Variants in NCAM1 observed in about 807,000 individuals in gnomAD.
NCAM1 encodes the protein neural cell adhesion molecule 1, also known as antigen recognized by monoclonal antibody 5.1H11.
Under a neutral mutation model 109.8 loss-of-function variants are expected in NCAM1, and 14 were observed. The observed-to-expected ratio is 0.13, with a 90% CI of 0.08 to 0.20. The LOEUF is 0.20. NCAM1 is among the 10% of genes least tolerant of loss of function. The pLI is 1.00. For missense variants in NCAM1, 774 were observed against 1,109.9 expected, an observed-to-expected ratio of 0.70 and a Z score of 4.30; for synonymous variants, 418 against 442.9, an observed-to-expected ratio of 0.94 and a Z score of 0.70.
At position 112,963,612 on chromosome 11, in the gene NCAM1, G is replaced by T. The variant is rs191106404; in HGVS notation, c.52+1948G>T. Among the ~76,000 whole-genome samples the T allele has an allele frequency of 8.5e-4, 129 of 152,294 alleles. No individual in the cohort carries two copies. The highest frequency in any genetic ancestry group is 3.4e-3 in the Middle Eastern group (1 of 294). ...GGCCACCCCGGTTATGCCCCTTTCC[G>T]CGGTGCCCGTGGGTGCCGCGACGCG... On this transcript the variant is annotated intron_variant, in intron 1 of 19. Coordinates refer to ENST00000316851, the MANE Select transcript of NCAM1 (RefSeq NM_181351.5). The surrounding 1 kb of genome is among the most constrained non-coding windows in gnomAD (Gnocchi z 4.6).
chr11:113,255,962 C>T lies in NCAM1; in HGVS notation c.1914C>T (p.Gly638=), dbSNP rs370796324. The T allele has an allele frequency of 1.7e-5, 27 of 1,605,732 alleles. No homozygotes were observed. Among genetic ancestry groups the T allele is most frequent in the Non-Finnish European group, 2.2e-5 (26 of 1,176,304 alleles). The change falls in exon 16 of 20, where the codon GGC becomes GGT. Residue 638 remains glycine (G), a synonymous_variant. Transcript: ENST00000316851. The stretch of plus-strand genomic sequence containing the variant: ...TGAACCTGATCAAGCAGGATGACGG[C>T]GGCTCCCCCATCAGACACTATCTGG... The part of the protein sequence containing the change: ...IKVNLIKQDD[G]GSPIRHYLVR...
intron 7 of NCAM1, among the ~76,000 whole-genome samples, chr11:113,208,301 C>A (rs1555113226): frequency 6.6e-6 from 1 of 152,186 alleles, no homozygotes; most frequent in Non-Finnish European, 1.5e-5. Flanking sequence ...CCTCCAGTGG[C>A]TCCCTATGGC....
intron 1 of NCAM1, among the ~76,000 whole-genome samples, chr11:113,127,883 A>G (rs1213953494): frequency 6.6e-6 from 1 of 152,148 alleles, no homozygotes; most frequent in African/African-American, 2.4e-5. Context: ...CTTAGATACA[A>G]AGTAGCCTCA....
chr11:113,117,214 C>G (rs550525217), intron 1 of NCAM1, among the ~76,000 whole-genome samples: 2 of 151,950 alleles, frequency 1.3e-5, no homozygotes. Context: ...TATGAGGGAG[C>G]AAACTAATAC....
intron 1 of NCAM1, among the ~76,000 whole-genome samples, chr11:112,972,353 G>C (rs1390534359): frequency 6.6e-6 from 1 of 152,010 alleles, no homozygotes; most frequent in African/African-American, 2.4e-5. Flanking sequence ...TTTTTATCAC[G>C]CCCACAAGTA....
intron 7 of NCAM1, among the ~76,000 whole-genome samples, chr11:113,212,525 G>A (rs1338347780): frequency 1.3e-5 from 2 of 152,126 alleles, no homozygotes; most frequent in South Asian, 4.1e-4. Flanking sequence ...TCAGCAAAAC[G>A]CTGTCCAGAT....
intron 9 of NCAM1, among the ~76,000 whole-genome samples, chr11:113,225,600 T>G (rs1403422522): frequency 6.6e-6 from 1 of 150,996 alleles, no homozygotes; most frequent in African/African-American, 2.5e-5. Flanking sequence ...AGATACTCCT[T>G]GAGAAGGACA....
In NCAM1 at chr11:112,962,360, A is replaced by AG. The variant is rs1326193561; in HGVS notation, c.52+699dup. On this transcript the variant is annotated intron_variant, in intron 1 of 19. Coordinates refer to ENST00000316851, the MANE Select transcript of NCAM1 (RefSeq NM_181351.5). This position sits in a 1 kb window ranked among gnomAD's most constrained non-coding sequence, Gnocchi z 5.6. Reference sequence around the variant, plus strand: ...TCGGCCGCGAGCACTGAAGGATGGGAGGGTCGAGCGCCGCGTTTTGACAGG... The same window carrying AG: ...TCGGCCGCGAGCACTGAAGGATGGGAGGGGTCGAGCGCCGCGTTTTGACAGG... Among the ~76,000 whole-genome samples, 4 of 151,866 alleles carry AG rather than the reference A, an allele frequency of 2.6e-5. No homozygotes were observed. Among genetic ancestry groups the AG allele is most frequent in the Non-Finnish European group, 5.9e-5 (4 of 67,946 alleles).
chr11:113,080,467 T>C (rs1308217004), intron 1 of NCAM1, among the ~76,000 whole-genome samples: 1 of 133,016 alleles, frequency 7.5e-6, no homozygotes, highest in African/African-American at 2.7e-5. Flanking sequence ...TTTTTTTTCT[T>C]TTTTTTTTTT....
At chr11:113,089,647 A>G (rs1555088999) in intron 1 of NCAM1, among the ~76,000 whole-genome samples, 1 of 152,096 alleles carries the variant, frequency 6.6e-6, no homozygotes, top group Non-Finnish European at 1.5e-5. Context: ...ATAATTCAGC[A>G]GGATGCAGAA....
intron 1 of NCAM1, among the ~76,000 whole-genome samples, chr11:113,138,311 A>G (rs1404041482): frequency 6.6e-6 from 1 of 152,200 alleles, no homozygotes; most frequent in African/African-American, 2.4e-5. Context: ...TGTCTGGCCC[A>G]GCTGCTGTTC....
At chr11:113,056,162 A>G (rs2135446626) in intron 1 of NCAM1, among the ~76,000 whole-genome samples, 1 of 151,416 alleles carries the variant, frequency 6.6e-6, no homozygotes, top group African/African-American at 2.4e-5. Context: ...GCACAGAAAG[A>G]CAAATATCAC....
At chr11:113,249,612 G>A (rs571434462) in intron 15 of NCAM1, among the ~76,000 whole-genome samples, 13 of 152,328 alleles carry the variant, frequency 8.5e-5, no homozygotes, top group Admixed American at 2.6e-4. Context: ...GGCAGGAGCC[G>A]AGTTAACTGT....
chr11:113,028,072 G>T (rs1394908915), intron 1 of NCAM1, among the ~76,000 whole-genome samples: 4 of 152,130 alleles, frequency 2.6e-5, no homozygotes, highest in Non-Finnish European at 5.9e-5. Context: ...GCTGGGAAAA[G>T]GTTGGTCCGC....
chr11:113,249,887 A>G (rs1262363839), intron 15 of NCAM1, among the ~76,000 whole-genome samples: 1 of 152,146 alleles, frequency 6.6e-6, no homozygotes, highest in Non-Finnish European at 1.5e-5. Context: ...TCACATTCAT[A>G]AATTCCTCAG....
chr11:113,178,838 A>G (rs1163592083), intron 1 of NCAM1, among the ~76,000 whole-genome samples: 1 of 152,154 alleles, frequency 6.6e-6, no homozygotes, highest in Non-Finnish European at 1.5e-5. Flanking sequence ...GAAGGCCAAC[A>G]TTCGAAGAGT....
intron 14 of NCAM1, among the ~76,000 whole-genome samples, chr11:113,240,254 A>G (rs1945283509): frequency 6.6e-6 from 1 of 152,234 alleles, no homozygotes; most frequent in Admixed American, 6.5e-5. Flanking sequence ...ACTAGTACAC[A>G]TTAGGTAGGA....
At chr11:112,967,961 G>T (rs1166223324) in intron 1 of NCAM1, among the ~76,000 whole-genome samples, 3 of 152,182 alleles carry the variant, frequency 2.0e-5, no homozygotes, top group Admixed American at 2.0e-4. Context: ...TTGAATACAT[G>T]ACCATGAGAA....
intron 1 of NCAM1, among the ~76,000 whole-genome samples, chr11:113,068,067 T>C (rs529992032): frequency 2.6e-5 from 4 of 152,082 alleles, no homozygotes; most frequent in Non-Finnish European, 5.9e-5. Flanking sequence ...CCCGCCACCA[T>C]GCCTGGCTAA....
Sources: allele counts gnomAD v4.1 joint callset (sites outside exome capture counted in the v4.1 genomes callset), GRCh38; gene constraint gnomAD v4.1.1; non-coding constraint Gnocchi (gnomAD v3.1); transcripts MANE v1.5; gene names NCBI Gene and HGNC (gene_info 2026-07-23, HGNC 2026-07-21).